Variants in ZEB1 observed in about 807,000 individuals in gnomAD.
The protein encoded by ZEB1 is zinc finger E-box binding homeobox 1.
In ZEB1, 21 loss-of-function variants were observed where a neutral mutation model predicts 84.9. The ratio of observed to expected loss-of-function variants is 0.25; its 90% CI spans 0.18 to 0.36. The LOEUF (loss-of-function observed/expected upper bound fraction) is 0.36, where lower values mean the gene tolerates loss of function less well. ZEB1 is among the 10% of genes least tolerant of loss of function. The pLI is 1.00. For synonymous variants in ZEB1, 420 were observed against 471.1 expected, an observed-to-expected ratio of 0.89 and a Z score of 1.41; for missense variants, 1,104 against 1,330.2, an observed-to-expected ratio of 0.83 and a Z score of 2.65.
intron 1 of ZEB1, among the ~76,000 whole-genome samples, chr10:31,348,496 GGAGGTTGCAGTGAGCT>G (rs1398429707): frequency 6.6e-6 from 1 of 152,142 alleles, no homozygotes; most frequent in African/African-American, 2.4e-5. Context: ...CCTGGGTGGT[GGAGGTTGCAGTGAGCT>G]GAGATTGCAC....
chr10:31,523,662 T>G (rs1485923763), intron 7 of ZEB1, among the ~76,000 whole-genome samples: 2 of 152,210 alleles, frequency 1.3e-5, no homozygotes, highest in Non-Finnish European at 2.9e-5. Context: ...TCGGTGTCCT[T>G]GCTTTCTTTC....
intron 1 of ZEB1, among the ~76,000 whole-genome samples, chr10:31,385,340 A>G (rs954236860): frequency 6.6e-6 from 1 of 152,050 alleles, no homozygotes; most frequent in Non-Finnish European, 1.5e-5. Context: ...TTAATTCTAC[A>G]TTTTCAGATT....
chr10:31,521,827 C>A lies in ZEB1; in HGVS notation c.2495C>A (p.Ala832Asp), dbSNP rs778771729. The change falls in exon 7 of 9, where the codon GCC becomes GAC. Residue 832 changes from alanine to aspartate, a missense_variant. Physicochemically the swap from Ala to Asp is moderately radical, Grantham distance 126 (BLOSUM62 -2). Transcript: ENST00000424869. ...GTTCCATGCTTAAGAGCGCTAGCTGCCAATAAGCAAACGATTCTGATTCCC... is the reference window on the plus strand; with the variant it reads ...GTTCCATGCTTAAGAGCGCTAGCTGACAATAAGCAAACGATTCTGATTCCC... ...NSVPCLRALA[A>D]NKQTILIPQV... The A allele has an allele frequency of 6.2e-7, 1 of 1,613,606 alleles. No homozygotes were observed. The highest frequency in any genetic ancestry group is 8.5e-7 in the Non-Finnish European group (1 of 1,179,734).
At chr10:31,454,150 C>A (rs1202210387) in intron 1 of ZEB1, among the ~76,000 whole-genome samples, 2 of 152,038 alleles carry the variant, frequency 1.3e-5, no homozygotes, top group Non-Finnish European at 2.9e-5. Context: ...TGGAACAAAT[C>A]ACAAAAACCA....
chr10:31,470,140 C>CT (rs2063016322), intron 2 of ZEB1, among the ~76,000 whole-genome samples: 1 of 152,212 alleles, frequency 6.6e-6, no homozygotes, highest in African/African-American at 2.4e-5. Flanking sequence ...AGTGGAAACT[C>CT]TAAAAAGCAG....
chr10:31,429,316 T>C (rs1245695570), intron 1 of ZEB1, among the ~76,000 whole-genome samples: 1 of 152,214 alleles, frequency 6.6e-6, no homozygotes, highest in Non-Finnish European at 1.5e-5. Context: ...CCTTCACTTA[T>C]GAAGCTTAGT....
intron 1 of ZEB1, among the ~76,000 whole-genome samples, chr10:31,402,500 T>A (rs2052238029): frequency 6.6e-6 from 1 of 152,158 alleles, no homozygotes. Flanking sequence ...GATTGAGCAT[T>A]AAGAAAATTT....
intron 1 of ZEB1, among the ~76,000 whole-genome samples, chr10:31,407,235 T>TCCCTCCC (rs1387834939): frequency 8.5e-6 from 1 of 117,102 alleles, no homozygotes; most frequent in Non-Finnish European, 1.8e-5. Context: ...CCCAATGCTA[T>TCCCTCCC]CCCTCCCCCC....
chr10:31,320,242 G>A (rs929108497), intron 1 of ZEB1: 2 of 152,154 alleles, frequency 1.3e-5, no homozygotes, highest in Admixed American at 6.5e-5. Context: ...CCGCGCGGAT[G>A]GGGGCGAGCT....
At chr10:31,476,179 C>G (rs1397333076) in intron 2 of ZEB1, among the ~76,000 whole-genome samples, 1 of 151,804 alleles carries the variant, frequency 6.6e-6, no homozygotes, top group Non-Finnish European at 1.5e-5. Flanking sequence ...AGAGTTTGTT[C>G]TTTGAATGGA....
At position 31,521,281 on chromosome 10, in the gene ZEB1, C is replaced by G. The variant is rs370211218; in HGVS notation, c.1949C>G (p.Pro650Arg). Residue 650 changes from proline (P) to arginine (R), a missense_variant, in exon 7 of 9, where the codon CCA (proline) becomes CGA (arginine). Physicochemically the swap from Pro to Arg is moderately radical, Grantham distance 103. Around this residue, in one of 7 missense-constraint regions of ZEB1, gnomAD observed 531 missense variants for 575.2 expected, o/e 0.92. Coordinates refer to ENST00000424869, the MANE Select transcript of ZEB1 (RefSeq NM_001174096.2). ...TCTTCTGAACCATCTTCTCCTGAAC[C>G]AGGCAAAGTAAATATCCCTGCCAAG... is the stretch of plus-strand genomic sequence containing the variant. ...VQSSEPSSPEPGKVNIPAKNN... is the reference protein window; with the variant it reads ...VQSSEPSSPERGKVNIPAKNN... 2 of 1,613,926 alleles carry G rather than the reference C, an allele frequency of 1.2e-6. No homozygotes were observed. The highest frequency in any genetic ancestry group is 8.5e-7 in the Non-Finnish European group (1 of 1,180,020).
At chr10:31,331,400 CTAA>C (rs2036762848) in intron 1 of ZEB1, among the ~76,000 whole-genome samples, 1 of 152,014 alleles carries the variant, frequency 6.6e-6, no homozygotes, top group Non-Finnish European at 1.5e-5. Context: ...GTGTTAAATT[CTAA>C]TATTGAATCT....
chr10:31,399,866 C>T (rs1370685345), intron 1 of ZEB1, among the ~76,000 whole-genome samples: 1 of 152,208 alleles, frequency 6.6e-6, no homozygotes, highest in African/African-American at 2.4e-5. Flanking sequence ...TAGTCATCCA[C>T]ACTGGCTTCT....
intron 2 of ZEB1, among the ~76,000 whole-genome samples, chr10:31,476,464 T>TA (rs139770708): frequency 0.031 from 4,669 of 150,276 alleles, 228 homozygotes; most frequent in African/African-American, 0.11. Flanking sequence ...GAATCAATAG[T>TA]AAAAAAAAAC....
chr10:31,511,505 G>T (rs545063441), intron 5 of ZEB1, among the ~76,000 whole-genome samples: 76 of 151,888 alleles, frequency 5.0e-4, no homozygotes, highest in Middle Eastern at 6.4e-3. Context: ...TTAAATTGCT[G>T]GTTCTATATT....
At position 31,432,557 on chromosome 10, in the gene ZEB1, C is replaced by T. The variant is rs193290410; in HGVS notation, c.59-28480C>T. On this transcript the variant is annotated intron_variant, in intron 1 of 8. Transcript: ENST00000424869. ...TGAGCTGTGATCATGCCACTGCACTCCAGCGTGAGCAACAGAGCGCAATAC... is the reference window on the plus strand; with the variant it reads ...TGAGCTGTGATCATGCCACTGCACTTCAGCGTGAGCAACAGAGCGCAATAC... Among the ~76,000 whole-genome samples the T allele has an allele frequency of 1.6e-3, 237 of 152,184 alleles. 1 individual carries two copies. The highest frequency in any genetic ancestry group is 4.8e-3 in the African/African-American group (198 of 41,534).
chr10:31,469,879 C>CT (rs2062967982), intron 2 of ZEB1, among the ~76,000 whole-genome samples: 1 of 152,234 alleles, frequency 6.6e-6, no homozygotes, highest in Admixed American at 6.5e-5. Context: ...AACGGGTAGA[C>CT]TGCCTCCTCA....
chr10:31,437,402 CATATT>C, intron 1 of ZEB1, among the ~76,000 whole-genome samples: 1 of 152,258 alleles, frequency 6.6e-6, no homozygotes, highest in Admixed American at 6.5e-5. Context: ...AAGCTTGTAA[CATATT>C]ATAATGCTTA....
chr10:31,346,706 G>A (rs574178584), intron 1 of ZEB1, among the ~76,000 whole-genome samples: 226 of 152,008 alleles, frequency 1.5e-3, no homozygotes, highest in Middle Eastern at 6.8e-3. Flanking sequence ...AAATACCACC[G>A]TTTTTTCGCT....
Sources: gnomAD v4.1 joint callset for allele counts (sites outside exome capture counted in the v4.1 genomes callset) on GRCh38, gnomAD v4.1.1 for gene constraint, gnomAD v4.1.1 regional missense constraint, MANE v1.5 for transcripts, NCBI Gene and HGNC (gene_info 2026-07-23, HGNC 2026-07-21) for gene names.